HPSE2: variants seen among roughly 807,000 people sequenced by gnomAD.
HPSE2 encodes the protein heparanase 2 (inactive).
HPSE2 carries 38 observed loss-of-function variants against 60.5 expected under a neutral mutation model. The observed-to-expected ratio is 0.63, with a 90% CI of 0.48 to 0.82. The LOEUF (loss-of-function observed/expected upper bound fraction) is 0.82. Among genes scored for constraint, HPSE2 ranks in the 40% least tolerant of loss-of-function variants. The pLI is 0.00. For synonymous variants in HPSE2, 295 were observed against 293.2 expected (o/e 1.01, Z -0.06); for missense variants, 713 against 740.4 (o/e 0.96, Z 0.43).
chr10:98,869,690 C>A (rs992620249), intron 3 of HPSE2, among the ~76,000 whole-genome samples: 21 of 152,174 alleles, frequency 1.4e-4, no homozygotes, highest in African/African-American at 4.8e-4. Context: ...CCAGGGAGAA[C>A]CAATGGTGGC....
intron 3 of HPSE2, among the ~76,000 whole-genome samples, chr10:99,065,713 AGAGT>A (rs1414053207): frequency 2.0e-5 from 3 of 152,234 alleles, no homozygotes; most frequent in Non-Finnish European, 4.4e-5. Context: ...CAAGGCTTGA[AGAGT>A]GAGTAGGCAT....
At chr10:99,226,169 C>G (rs952341678) in intron 2 of HPSE2, among the ~76,000 whole-genome samples, 27 of 151,964 alleles carry the variant, frequency 1.8e-4, no homozygotes, top group Admixed American at 6.6e-5. Flanking sequence ...CTCATGCTCT[C>G]TCTCTTGAGT....
chr10:98,648,757 G>A (rs1293582728), intron 6 of HPSE2, among the ~76,000 whole-genome samples: 1 of 151,898 alleles, frequency 6.6e-6, no homozygotes, highest in East Asian at 1.9e-4. Flanking sequence ...AAATTAGAAA[G>A]CATTTTTTAA....
chr10:99,202,118 GAGATAT>G (rs1168535424), intron 2 of HPSE2, among the ~76,000 whole-genome samples: 3 of 152,196 alleles, frequency 2.0e-5, no homozygotes, highest in Non-Finnish European at 2.9e-5. Flanking sequence ...TAGATAGATA[GAGATAT>G]AGATATAGAT....
intron 3 of HPSE2, among the ~76,000 whole-genome samples, chr10:98,823,681 C>T (rs1238154753): frequency 2.0e-5 from 3 of 151,832 alleles, no homozygotes; most frequent in Non-Finnish European, 4.4e-5. Flanking sequence ...CATAAATCTA[C>T]CAAGAAGATA....
chr10:99,243,092 G>A, the HPSE2 span, among the ~76,000 whole-genome samples: 10 of 152,064 alleles, frequency 6.6e-5, no homozygotes, highest in Non-Finnish European at 1.0e-4. Flanking sequence ...AGTGGCTCAC[G>A]CCTATAATCC....
At chr10:98,737,612 G>C (rs925438526) in intron 4 of HPSE2, among the ~76,000 whole-genome samples, 5 of 152,120 alleles carry the variant, frequency 3.3e-5, no homozygotes, top group Non-Finnish European at 5.9e-5. Flanking sequence ...TAAGCTGATA[G>C]CAACTTCAGC....
At chr10:98,542,993 C>T (rs959862289) in intron 9 of HPSE2, among the ~76,000 whole-genome samples, 1 of 152,004 alleles carries the variant, frequency 6.6e-6, no homozygotes, top group Non-Finnish European at 1.5e-5. Context: ...CAAAGATACT[C>T]CTCGAGAAGA....
chr10:98,768,863 C>A (rs1000310324), intron 3 of HPSE2, among the ~76,000 whole-genome samples: 5 of 152,082 alleles, frequency 3.3e-5, no homozygotes, highest in Non-Finnish European at 5.9e-5. Context: ...CCAGCCTGGC[C>A]AACATCGTGA....
chr10:98,573,766 C>G (rs187222546), intron 9 of HPSE2, among the ~76,000 whole-genome samples: 65 of 152,252 alleles, frequency 4.3e-4, no homozygotes, highest in Non-Finnish European at 7.2e-4. Context: ...AGATGAGGAG[C>G]AGAGGTTAAA....
intron 3 of HPSE2, among the ~76,000 whole-genome samples, chr10:98,831,675 G>C (rs959101122): frequency 2.6e-5 from 4 of 152,174 alleles, no homozygotes; most frequent in African/African-American, 9.7e-5. Flanking sequence ...ATCAGCTAGA[G>C]TACCTGCTAA....
At chr10:98,711,084 A>G (rs1589686624) in intron 5 of HPSE2, among the ~76,000 whole-genome samples, 1 of 151,858 alleles carries the variant, frequency 6.6e-6, no homozygotes, top group East Asian at 1.9e-4. Flanking sequence ...GAAATGGGGG[A>G]TGATGAGAAA....
At chr10:99,223,112 G>A (rs149144178) in intron 2 of HPSE2, among the ~76,000 whole-genome samples, 4 of 152,230 alleles carry the variant, frequency 2.6e-5, no homozygotes, top group African/African-American at 9.6e-5. Flanking sequence ...AAGCTTGAAG[G>A]TTTAATGATT....
intron 11 of HPSE2, 101 bp downstream of exon 11, chr10:98,482,535 G>A (rs1048764154): frequency 4.7e-5 from 68 of 1,433,480 alleles, no homozygotes; most frequent in African/African-American, 8.4e-5. Context: ...CCATCCCACT[G>A]AGCCCTTGAG....
chr10:98,517,280 A>G (rs1942634286), intron 9 of HPSE2, among the ~76,000 whole-genome samples: 1 of 152,142 alleles, frequency 6.6e-6, no homozygotes, highest in South Asian at 2.1e-4. Flanking sequence ...CACACCCCTC[A>G]TGCCCCACCC....
intron 3 of HPSE2, among the ~76,000 whole-genome samples, chr10:98,941,957 C>G (rs2135156183): frequency 7.0e-6 from 1 of 142,300 alleles, no homozygotes; most frequent in South Asian, 2.1e-4. Context: ...TTTGACAAAC[C>G]TGAGAAAAAC....
At chr10:99,087,960 C>T (rs925167209) in intron 3 of HPSE2, among the ~76,000 whole-genome samples, 1 of 151,032 alleles carries the variant, frequency 6.6e-6, no homozygotes, top group Non-Finnish European at 1.5e-5. Context: ...ATTCCTGAAC[C>T]CCCCCTTCTC....
chr10:99,064,920 A>T (rs1354955926), intron 3 of HPSE2, among the ~76,000 whole-genome samples: 1 of 152,170 alleles, frequency 6.6e-6, no homozygotes, highest in Non-Finnish European at 1.5e-5. Flanking sequence ...GAAACAATAC[A>T]ATCAGAAAAA....
At chr10:99,288,348 T>C in the HPSE2 span, among the ~76,000 whole-genome samples, 1 of 152,194 alleles carries the variant, frequency 6.6e-6, no homozygotes, top group African/African-American at 2.4e-5. Context: ...ATGTTGTATA[T>C]ATTTATGTAC....
Sources: gnomAD v4.1 joint callset for allele counts (sites outside exome capture counted in the v4.1 genomes callset) on GRCh38, gnomAD v4.1.1 for gene constraint, MANE v1.5 for transcripts, NCBI Gene and HGNC (gene_info 2026-07-23, HGNC 2026-07-21) for gene names.